Variants in ATF6 observed in about 807,000 individuals in gnomAD.
ATF6 encodes the protein cyclic AMP-dependent transcription factor ATF-6 alpha.
Under a neutral mutation model 83.6 loss-of-function variants are expected in ATF6, and 53 were observed. The ratio of observed to expected loss-of-function variants is 0.63; its 90% CI spans 0.51 to 0.80. The LOEUF is 0.80. Among genes scored for constraint, ATF6 ranks in the 30% least tolerant of loss-of-function variants. The probability of loss-of-function intolerance (pLI) is 0.00; values close to 1 mark genes in which losing one functional copy is unlikely to be tolerated. For missense variants in ATF6, 744 were observed against 797.9 expected, an observed-to-expected ratio of 0.93 and a Z score of 0.81; for synonymous variants, 288 against 285.8, an observed-to-expected ratio of 1.01 and a Z score of -0.08.
At chr1:161,875,837 T>A (rs187416586) in intron 14 of ATF6, among the ~76,000 whole-genome samples, 2 of 152,038 alleles carry the variant, frequency 1.3e-5, no homozygotes, top group Admixed American at 1.3e-4. Flanking sequence ...ATTTCCCATT[T>A]TGTCGTACAG....
chr1:161,792,204 G>C lies in ATF6; in HGVS notation c.565G>C (p.Ala189Pro), dbSNP rs1342628549. 1 of 1,613,980 alleles carries C rather than the reference G, an allele frequency of 6.2e-7. No homozygotes were observed. Among genetic ancestry groups the C allele is most frequent in the Non-Finnish European group, 8.5e-7 (1 of 1,180,008 alleles). Residue 189 changes from alanine (A) to proline (P), a missense_variant, in exon 6 of 16, where the codon GCA becomes CCA. Physicochemically the swap from Ala to Pro is conservative, Grantham distance 27. Transcript: ENST00000367942. Reference protein sequence around the residue: ...IQPKPLLLPAAPKTQTNSSVP... With the variant: ...IQPKPLLLPAPPKTQTNSSVP... ...GCCCAAGCCTTTATTGCTTCCAGCA[G>C]CACCCAAGACTCAAACAAACTCCAG...
chr1:161,854,174 A>G (rs1486390937), intron 12 of ATF6, among the ~76,000 whole-genome samples: 5 of 152,224 alleles, frequency 3.3e-5, no homozygotes, highest in Admixed American at 6.5e-5. Context: ...TTGTTAAGGT[A>G]ATTAATGCTA....
chr1:161,843,740 A>G (rs952616771), intron 9 of ATF6, among the ~76,000 whole-genome samples: 5 of 152,296 alleles, frequency 3.3e-5, no homozygotes, highest in Non-Finnish European at 4.4e-5. Flanking sequence ...GTGGTATTTC[A>G]GTTAATTCAT....
chr1:161,785,626 C>G (rs1240186122), intron 4 of ATF6, among the ~76,000 whole-genome samples: 2 of 152,030 alleles, frequency 1.3e-5, no homozygotes, highest in Non-Finnish European at 2.9e-5. Context: ...TAAGTCTTTT[C>G]CAGACTCAAA....
intron 14 of ATF6, chr1:161,892,247 G>C (rs1410533886): frequency 1.3e-5 from 2 of 152,180 alleles, no homozygotes; most frequent in Non-Finnish European, 2.9e-5. Flanking sequence ...GGACAATTCA[G>C]ATGATAATTT....
intron 15 of ATF6, among the ~76,000 whole-genome samples, chr1:161,929,529 T>A (rs941973655): frequency 6.6e-6 from 1 of 152,178 alleles, no homozygotes; most frequent in African/African-American, 2.4e-5. Flanking sequence ...GTCTGGGAAA[T>A]AAATTATCTG....
chr1:161,929,187 C>T (rs1243294472), intron 15 of ATF6, among the ~76,000 whole-genome samples: 2 of 152,144 alleles, frequency 1.3e-5, no homozygotes, highest in Non-Finnish European at 2.9e-5. Context: ...AATCAGTTTT[C>T]TTAGTTTCAG....
At chr1:161,812,794 G>GTGTGTA (rs960501275) in intron 7 of ATF6, among the ~76,000 whole-genome samples, 3 of 150,782 alleles carry the variant, frequency 2.0e-5, no homozygotes, top group African/African-American at 4.9e-5. Context: ...CTGTGTGTGT[G>GTGTGTA]TGTGTGTGTG....
At position 161,963,077 on chromosome 1, in the gene ATF6, A is replaced by C. The variant is rs192016984; in HGVS notation, c.*4423A>C. ...CCACAGGGATTGGGATTGATTTTTA[A>C]TTTCCTAGGAAACAATACTAGACTA... On this transcript the variant is annotated 3_prime_UTR_variant, in exon 16 of 16. Coordinates refer to ENST00000367942, the MANE Select transcript of ATF6 (RefSeq NM_007348.4). The C allele has an allele frequency of 1.3e-5, 2 of 152,136 alleles. No homozygotes were observed. Among genetic ancestry groups the C allele is most frequent in the African/African-American group, 4.8e-5 (2 of 41,428 alleles). 9.4% of individuals were successfully genotyped at this position (152,136 alleles called of 1,614,324 possible).
In ATF6 at chr1:161,961,787, G is replaced by A. The variant is rs1689106814; in HGVS notation, c.*3133G>A. On this transcript the variant is annotated 3_prime_UTR_variant, in exon 16 of 16. Transcript: ENST00000367942. ...TACACTCTTGGGAAGTGATGGTAGA[G>A]ACTGATGGGAATAGTCTTTCTGCCT... The A allele has an allele frequency of 6.6e-6, 1 of 152,174 alleles. No homozygotes were observed. Among genetic ancestry groups the A allele is most frequent in the South Asian group, 2.1e-4 (1 of 4,834 alleles). 9.4% of individuals were successfully genotyped at this position (152,174 alleles called of 1,614,324 possible). A position where few individuals can be genotyped will look rare whatever the true frequency, so the allele number is the denominator to read the frequency against.
chr1:161,900,449 A>C (rs1452947918), intron 14 of ATF6, among the ~76,000 whole-genome samples: 1 of 152,210 alleles, frequency 6.6e-6, no homozygotes, highest in Non-Finnish European at 1.5e-5. Context: ...AGCCTGCTGA[A>C]CTGGGAGTTA....
chr1:161,958,569 A>G lies in ATF6; in HGVS notation c.1928A>G (p.Asn643Ser). 1 of 1,614,090 alleles carries G rather than the reference A, an allele frequency of 6.2e-7. No individual in the cohort carries two copies. Residue 643 changes from asparagine to serine, a missense_variant, in exon 16 of 16, where the codon AAT becomes AGT. Transcript: ENST00000367942. ...CCTTACCTCCGAGATCAGCAGAGGA[A>G]TCAAACCAACACCTTCTTTGGCTCC... ...VPPYLRDQQR[N>S]QTNTFFGSPP...
At chr1:161,953,759 C>T (rs537958322) in intron 15 of ATF6, among the ~76,000 whole-genome samples, 4 of 152,160 alleles carry the variant, frequency 2.6e-5, no homozygotes, top group Non-Finnish European at 4.4e-5. Context: ...TACTGTTACT[C>T]ACTCAGCGTT....
At chr1:161,923,626 TG>T (rs1375075943) in intron 15 of ATF6, among the ~76,000 whole-genome samples, 5 of 152,244 alleles carry the variant, frequency 3.3e-5, no homozygotes, top group African/African-American at 1.2e-4. Context: ...GATGATTTAT[TG>T]GCAGTTGCAT....
chr1:161,914,060 A>C (rs772365966), intron 15 of ATF6, among the ~76,000 whole-genome samples: 9 of 152,202 alleles, frequency 5.9e-5, no homozygotes, highest in Non-Finnish European at 1.3e-4. Context: ...TTGTCTTTTT[A>C]ATCTGTTTCA....
chr1:161,913,695 A>G (rs1688036079), intron 15 of ATF6, among the ~76,000 whole-genome samples: 1 of 152,206 alleles, frequency 6.6e-6, no homozygotes, highest in Admixed American at 6.5e-5. Context: ...GAAGAAGAAT[A>G]TATTCCAAAG....
intron 15 of ATF6, among the ~76,000 whole-genome samples, chr1:161,950,792 A>G (rs1374333811): frequency 6.6e-6 from 1 of 152,240 alleles, no homozygotes; most frequent in Middle Eastern, 3.2e-3. Context: ...ACTAATTGTA[A>G]CTACATAATC....
intron 15 of ATF6, among the ~76,000 whole-genome samples, chr1:161,945,825 A>G (rs1283069485): frequency 2.6e-5 from 4 of 152,186 alleles, no homozygotes; most frequent in South Asian, 2.1e-4. Context: ...ATGAATCACA[A>G]ATAATTGGGA....
chr1:161,853,416 C>A, intron 12 of ATF6, 93 bp downstream of exon 12: 2 of 942,658 alleles, frequency 2.1e-6, no homozygotes, highest in Non-Finnish European at 1.7e-6. Context: ...GGTTGGTAAA[C>A]TTGAGCTTTA....
Sources: allele counts gnomAD v4.1 joint callset (sites outside exome capture counted in the v4.1 genomes callset), GRCh38; gene constraint gnomAD v4.1.1; transcripts MANE v1.5; gene names NCBI Gene and HGNC (gene_info 2026-07-23, HGNC 2026-07-21).